VPS13D: variants seen among roughly 807,000 people sequenced by gnomAD.
The protein encoded by VPS13D is intermembrane lipid transfer protein VPS13D.
In VPS13D, 187 loss-of-function variants were observed where a neutral mutation model predicts 461.9. The ratio of observed to expected loss-of-function variants is 0.40; its 90% CI spans 0.36 to 0.46. The LOEUF (loss-of-function observed/expected upper bound fraction) is 0.46. Ranked by LOEUF, VPS13D falls within the 20% of genes least tolerant of loss-of-function variation. The probability of loss-of-function intolerance (pLI) is 0.60; values close to 1 mark genes in which losing one functional copy is unlikely to be tolerated. For synonymous variants in VPS13D, 1,951 were observed against 1,986.3 expected (o/e 0.98, Z 0.47); for missense variants, 4,711 against 5,364.9 (o/e 0.88, Z 3.81).
intron 21 of VPS13D, among the ~76,000 whole-genome samples, chr1:12,285,967 CCTTTCCTTTCCTT>C (rs1641956410): frequency 7.4e-6 from 1 of 135,616 alleles, no homozygotes; most frequent in Non-Finnish European, 1.6e-5. Context: ...CCTTTCCTTT[CCTTTCCTTTCCTT>C]TCCTTTCCTT....
At chr1:12,374,430 A>G (rs1644169219) in intron 55 of VPS13D, among the ~76,000 whole-genome samples, 1 of 152,170 alleles carries the variant, frequency 6.6e-6, no homozygotes, top group African/African-American at 2.4e-5. Context: ...TCAGATTTCC[A>G]GAAAATTGGC....
At chr1:12,485,659 G>T (rs780059522) in intron 67 of VPS13D, among the ~76,000 whole-genome samples, 1 of 152,158 alleles carries the variant, frequency 6.6e-6, no homozygotes, top group Admixed American at 6.5e-5. Flanking sequence ...TTTTAAAAAG[G>T]TTGTTGGGGG....
chr1:12,454,715 G>A (rs1645303849), intron 65 of VPS13D, among the ~76,000 whole-genome samples: 1 of 152,208 alleles, frequency 6.6e-6, no homozygotes, highest in Non-Finnish European at 1.5e-5. Context: ...CTTGCCAAAG[G>A]AGAATGAAAT....
chr1:12,493,952 G>T (rs995253808), intron 67 of VPS13D, among the ~76,000 whole-genome samples: 5 of 152,148 alleles, frequency 3.3e-5, no homozygotes, highest in African/African-American at 7.2e-5. Context: ...ATACAGGAGT[G>T]GGGGGAAAAT....
At chr1:12,420,219 C>T (rs1471374689) in intron 65 of VPS13D, among the ~76,000 whole-genome samples, 1 of 152,124 alleles carries the variant, frequency 6.6e-6, no homozygotes, top group African/African-American at 2.4e-5. Context: ...TGATTCTGCA[C>T]GTATGTGGTT....
rs534095476 is a variant in VPS13D, at chr1:12,506,973, T to A, written c.12915T>A (p.Asp4305Glu). The A allele has an allele frequency of 6.2e-7, 1 of 1,614,160 alleles. No homozygotes were observed. Among genetic ancestry groups the A allele is most frequent in the Non-Finnish European group, 8.5e-7 (1 of 1,180,054 alleles). ...CCATTTTCCTAGAAGTCAAATACGA[T>A]GACCTCTACCACTGCCTTGTCTCCA... ...REAIFLEVKY[D>E]DLYHCLVSKD... is the part of the protein sequence containing the mutation. Residue 4305 changes from aspartate (D) to glutamate (E), a missense_variant, in exon 69 of 70, where the codon GAT (aspartate) becomes GAA (glutamate). Physicochemically the swap from Asp to Glu is conservative, Grantham distance 45. Around this residue, in one of 3 missense-constraint regions of VPS13D, gnomAD observed 194 missense variants for 220.9 expected, o/e 0.88. Transcript: ENST00000620676.
Position 12,482,720 on chromosome 1 carries a change from G to GTA in VPS13D, c.12663-14774_12663-14773dup, listed in dbSNP as rs149213026. 1.9e-3 allele frequency among the ~76,000 whole-genome samples: 275 copies of GTA among 143,306 alleles called. 9 individuals are homozygous for GTA. The East Asian group carries it at 0.058, about 30-fold the overall frequency. The allele number at this position is 143,306 out of a possible 152,430, so 94.0% of individuals were successfully genotyped here. ...GTAACCCCACCAGACATCTCTATGG[G>GTA]TATATATGTGTATATACACTAGTAT... is the stretch of plus-strand genomic sequence containing the variant. On this transcript the variant is annotated intron_variant, in intron 67 of 69. Coordinates refer to ENST00000620676, the MANE Select transcript of VPS13D (RefSeq NM_015378.4).
rs560397943 is a variant in VPS13D at position 12,397,965 on chromosome 1, C to T, written c.11635-2216C>T. Among the ~76,000 whole-genome samples, 4 of 152,234 alleles carry T rather than the reference C, an allele frequency of 2.6e-5. No individual in the cohort carries two copies. The South Asian group carries it at 8.3e-4, about 32-fold the overall frequency. ...CCTGAAAGAGTGGTGTGTGATGAAG[C>T]TGGAGAATTTGGTGCCAGTTCATGC... is the stretch of plus-strand genomic sequence containing the variant. On this transcript the variant is annotated intron_variant, in intron 60 of 69. Coordinates refer to ENST00000620676, the MANE Select transcript of VPS13D (RefSeq NM_015378.4).
At chr1:12,275,387 C>G (rs1266133583) in intron 18 of VPS13D, among the ~76,000 whole-genome samples, 1 of 152,124 alleles carries the variant, frequency 6.6e-6, no homozygotes, top group Admixed American at 6.5e-5. Context: ...TGCACTCCAG[C>G]CTGGGTGACA....
Position 12,495,818 on chromosome 1 carries a change from G to A in VPS13D, c.12663-1682G>A, listed in dbSNP as rs1645949130. 6.6e-6 allele frequency among the ~76,000 whole-genome samples: 1 copy of A among 152,212 alleles called. No individual in the cohort carries two copies. The highest frequency in any genetic ancestry group is 2.1e-4 in the South Asian group (1 of 4,826). The stretch of plus-strand genomic sequence containing the variant: ...TGGGGAAAGGATACTTTATTAGCCT[G>A]TGTAGGCAGTTATTGGAATGACAGC... On this transcript the variant is annotated intron_variant, in intron 67 of 69. Transcript: ENST00000620676. This position sits in a 1 kb window ranked among gnomAD's most constrained non-coding sequence, Gnocchi z 4.0.
At chr1:12,483,452 C>T (rs1286512543) in intron 67 of VPS13D, among the ~76,000 whole-genome samples, 1 of 151,600 alleles carries the variant, frequency 6.6e-6, no homozygotes, top group Non-Finnish European at 1.5e-5. Context: ...TCTTTTTAAA[C>T]CCGTTAAGGT....
At chr1:12,402,015 G>A (rs558481104) in intron 62 of VPS13D, among the ~76,000 whole-genome samples, 76 of 152,166 alleles carry the variant, frequency 5.0e-4, no homozygotes, top group Non-Finnish European at 1.0e-3. Context: ...ATCTGCTCTA[G>A]GATGACAGAA....
Position 12,368,550 on chromosome 1 carries a change from G to C in VPS13D, c.10531G>C (p.Asp3511His), listed in dbSNP as rs778955152. ...GTATAGGATCTCATTTAGTGACACAGATCAGTTACCTCCTCCTTTCCGAAT... is the reference window on the plus strand; with the variant it reads ...GTATAGGATCTCATTTAGTGACACACATCAGTTACCTCCTCCTTTCCGAAT... ...ATYRISFSDTDQLPPPFRIDN... is the reference protein window; with the variant it reads ...ATYRISFSDTHQLPPPFRIDN... The change falls in exon 53 of 70, where the codon GAT (aspartate) becomes CAT (histidine). Residue 3511 changes from aspartate to histidine, a missense_variant. Physicochemically the swap from Asp to His is moderately conservative, Grantham distance 81. Transcript: ENST00000620676. 5.3e-5 allele frequency: 86 copies of C among 1,613,672 alleles called. No individual in the cohort carries two copies. The highest frequency in any genetic ancestry group is 7.3e-5 in the Non-Finnish European group (86 of 1,179,848).
intron 60 of VPS13D, among the ~76,000 whole-genome samples, chr1:12,386,845 T>C (rs963845344): frequency 6.6e-6 from 1 of 152,128 alleles, no homozygotes; most frequent in Non-Finnish European, 1.5e-5. Context: ...GCCCTGTAAT[T>C]GCCTTTCTTA....
At position 12,299,688 on chromosome 1, in the gene VPS13D, G is replaced by A. The variant is rs1642367058; in HGVS notation, c.6216+304G>A. Among the ~76,000 whole-genome samples, 1 of 152,066 alleles carries A rather than the reference G, an allele frequency of 6.6e-6. No homozygotes were observed. Among genetic ancestry groups the A allele is most frequent in the Admixed American group, 6.5e-5 (1 of 15,270 alleles). The stretch of plus-strand genomic sequence containing the variant: ...TCTTAGTAAATGTAGGTAGTAACTT[G>A]TTTTAGCAAACAAACCAATGGAATC... On this transcript the variant is annotated intron_variant, in intron 25 of 69. Coordinates refer to ENST00000620676, the MANE Select transcript of VPS13D (RefSeq NM_015378.4). The surrounding 1 kb of genome is among the most constrained non-coding windows in gnomAD (Gnocchi z 4.2).
chr1:12,230,780 A>G (rs562069896), intron 1 of VPS13D, among the ~76,000 whole-genome samples: 2 of 135,178 alleles, frequency 1.5e-5, no homozygotes, highest in African/African-American at 2.8e-5. Context: ...TTTACCTTTT[A>G]CCCCCCAGGG....
Position 12,381,922 on chromosome 1 carries a change from T to TTTTCTTTCTTTCTTTCTTTCTTTC in VPS13D, c.11191-1016_11191-993dup, listed in dbSNP as rs35247625. ...TCTTTTTTTCTTTTTCTTTCTTTTC[T>TTTTCTTTCTTTCTTTCTTTCTTTC]TTTCTTTCTTTCTTTCTTTCTTTCT... On this transcript the variant is annotated intron_variant, in intron 57 of 69. Coordinates refer to ENST00000620676, the MANE Select transcript of VPS13D (RefSeq NM_015378.4). Among the ~76,000 whole-genome samples the TTTTCTTTCTTTCTTTCTTTCTTTC allele has an allele frequency of 7.9e-5, 8 of 101,168 alleles. No homozygotes were observed. In the East Asian group the frequency reaches 8.0e-4, roughly 10 times the overall value. The allele number at this position is 101,168 out of a possible 152,430, so 66.4% of individuals were successfully genotyped here.
At chr1:12,281,510 G>T (rs2101378591) in intron 20 of VPS13D, among the ~76,000 whole-genome samples, 1 of 152,304 alleles carries the variant, frequency 6.6e-6, no homozygotes, top group Non-Finnish European at 1.5e-5. Flanking sequence ...CTATAGAACA[G>T]GTTTAGTTCT....
rs1157134078 is a variant in VPS13D, at chr1:12,293,630, G to C, written c.5959G>C (p.Val1987Leu). The C allele has an allele frequency of 1.9e-6, 3 of 1,614,076 alleles. No individual in the cohort carries two copies. In the African/African-American group the frequency reaches 4.0e-5, roughly 22 times the overall value. Residue 1987 changes from valine to leucine, a missense_variant, in exon 24 of 70, where the codon GTG becomes CTG. Val to Leu is a conservative substitution (Grantham distance 32). Coordinates refer to ENST00000620676, the MANE Select transcript of VPS13D (RefSeq NM_015378.4). The stretch of plus-strand genomic sequence containing the variant: ...TACTCAGCGTTTCCAGGCAGAGGTG[G>C]TGGCCTTCATTCAGCATTTCACTCA... Reference protein sequence around the residue: ...VHTQRFQAEVVAFIQHFTQLQ... With the variant: ...VHTQRFQAEVLAFIQHFTQLQ...
Sources: allele counts gnomAD v4.1 joint callset (sites outside exome capture counted in the v4.1 genomes callset), GRCh38; gene constraint gnomAD v4.1.1; regional missense constraint gnomAD v4.1.1; non-coding constraint Gnocchi (gnomAD v3.1); transcripts MANE v1.5; gene names NCBI Gene and HGNC (gene_info 2026-07-23, HGNC 2026-07-21).